KIF16B: variants seen among roughly 807,000 people sequenced by gnomAD.
KIF16B encodes kinesin-like protein KIF16B.
In KIF16B, 98 loss-of-function variants were observed where a neutral mutation model predicts 156.3. The ratio of observed to expected loss-of-function variants is 0.63; its 90% confidence interval spans 0.53 to 0.74. The LOEUF is 0.74. KIF16B is among the 30% of genes least tolerant of loss of function. The pLI is 0.00. For missense variants in KIF16B, 1,421 were observed against 1,606.5 expected, an observed-to-expected ratio of 0.88 and a Z score of 1.97; for synonymous variants, 564 against 583.7, an observed-to-expected ratio of 0.97 and a Z score of 0.49.
chr20:16,469,297 C>T (rs1450569700), intron 12 of KIF16B, among the ~76,000 whole-genome samples: 2 of 133,666 alleles, frequency 1.5e-5, no homozygotes, highest in East Asian at 2.0e-4. Context: ...CCTTTCAGAC[C>T]ACGATAGAAT....
chr20:16,465,042 C>T (rs895187011), intron 12 of KIF16B, among the ~76,000 whole-genome samples: 5 of 152,170 alleles, frequency 3.3e-5, no homozygotes, highest in African/African-American at 1.2e-4. Flanking sequence ...CTGTCAGATG[C>T]TTCATGCAGG....
intron 12 of KIF16B, among the ~76,000 whole-genome samples, chr20:16,476,229 T>C (rs2067808014): frequency 6.6e-6 from 1 of 151,316 alleles, no homozygotes; most frequent in Non-Finnish European, 1.5e-5. Flanking sequence ...TAAATGCATA[T>C]TATAAAACAG....
At chr20:16,498,064 AT>A (rs1221133842) in intron 10 of KIF16B, among the ~76,000 whole-genome samples, 13 of 152,146 alleles carry the variant, frequency 8.5e-5, no homozygotes, top group Admixed American at 2.6e-4. Flanking sequence ...GGCTTCTGAG[AT>A]TTGCTCTTAC....
chr20:16,394,365 A>C (rs1295508039), intron 17 of KIF16B, among the ~76,000 whole-genome samples: 2 of 152,206 alleles, frequency 1.3e-5, no homozygotes, highest in Admixed American at 1.3e-4. Flanking sequence ...AAAAGGAAAA[A>C]AGCAAGTCTC....
intron 22 of KIF16B, chr20:16,367,802 G>C (rs1469501751): frequency 6.2e-7 from 1 of 1,612,400 alleles, no homozygotes; most frequent in South Asian, 1.1e-5. Flanking sequence ...TCTGGCATCA[G>C]GACACACAGG....
At chr20:16,286,791 G>T (rs1254556885) in intron 25 of KIF16B, among the ~76,000 whole-genome samples, 3 of 152,206 alleles carry the variant, frequency 2.0e-5, no homozygotes, top group Non-Finnish European at 1.5e-5. Flanking sequence ...TGCTGTACTG[G>T]TGGCCCCAAT....
intron 12 of KIF16B, among the ~76,000 whole-genome samples, chr20:16,452,619 A>ACGT (rs1307602333): frequency 6.6e-6 from 1 of 152,102 alleles, no homozygotes. Context: ...GTGGATCACG[A>ACGT]GGTCAGGAGA....
chr20:16,335,514 A>C (rs927710466), intron 24 of KIF16B, among the ~76,000 whole-genome samples: 6 of 152,236 alleles, frequency 3.9e-5, no homozygotes, highest in Non-Finnish European at 5.9e-5. Flanking sequence ...TATAAGACTA[A>C]GCATGAATGT....
intron 22 of KIF16B, among the ~76,000 whole-genome samples, chr20:16,358,269 G>GA (rs1405029558): frequency 2.6e-5 from 4 of 152,194 alleles, no homozygotes; most frequent in Admixed American, 2.0e-4. Context: ...GAGATGATCT[G>GA]AAAGGCAAAC....
chr20:16,434,626 T>A (rs1212955694), intron 12 of KIF16B, among the ~76,000 whole-genome samples: 1 of 152,206 alleles, frequency 6.6e-6, no homozygotes, highest in Non-Finnish European at 1.5e-5. Flanking sequence ...AAGAATTGCG[T>A]GTCTTCACAG....
At chr20:16,498,309 C>A (rs1448150284) in intron 10 of KIF16B, among the ~76,000 whole-genome samples, 1 of 152,094 alleles carries the variant, frequency 6.6e-6, no homozygotes, top group East Asian at 1.9e-4. Flanking sequence ...ACATGTGAGT[C>A]CCTGACCTGA....
chr20:16,320,897 C>A, intron 24 of KIF16B, among the ~76,000 whole-genome samples: 1 of 152,180 alleles, frequency 6.6e-6, no homozygotes, highest in East Asian at 1.9e-4. Flanking sequence ...AAAAAATAAT[C>A]TTAGAGTCAC....
chr20:16,315,843 C>T (rs982328166), intron 24 of KIF16B, among the ~76,000 whole-genome samples: 2 of 152,156 alleles, frequency 1.3e-5, no homozygotes, highest in African/African-American at 4.8e-5. Context: ...TCCAATGTGG[C>T]TCATGATAGA....
intron 12 of KIF16B, among the ~76,000 whole-genome samples, chr20:16,470,372 T>C (rs561471841): frequency 6.6e-6 from 1 of 152,282 alleles, no homozygotes; most frequent in African/African-American, 2.4e-5. Flanking sequence ...GGTTCACTGA[T>C]TGTAATAAAT....
chr20:16,421,285 T>A (rs987793270), intron 15 of KIF16B, among the ~76,000 whole-genome samples: 6 of 152,188 alleles, frequency 3.9e-5, no homozygotes, highest in Admixed American at 3.9e-4. Context: ...TCCCCATTTA[T>A]TATATTTTAA....
intron 17 of KIF16B, among the ~76,000 whole-genome samples, chr20:16,392,687 A>G (rs997119625): frequency 1.3e-5 from 2 of 152,198 alleles, no homozygotes; most frequent in African/African-American, 4.8e-5. Context: ...GAGGTCTCAG[A>G]GCACCAGCCT....
chr20:16,386,318 TAAAG>T (rs934571605), intron 17 of KIF16B, among the ~76,000 whole-genome samples: 1 of 151,978 alleles, frequency 6.6e-6, no homozygotes, highest in Non-Finnish European at 1.5e-5. Context: ...AGAGGGTATC[TAAAG>T]AAAGAGAAAG....
rs1387376641 is a variant in KIF16B, at chr20:16,355,530, G to A, written c.3621+800C>T. Among the ~76,000 whole-genome samples the A allele has an allele frequency of 3.3e-5, 5 of 152,122 alleles. No individual in the cohort carries two copies. In the East Asian group the frequency reaches 9.6e-4, roughly 29 times the overall value. On this transcript the variant is annotated intron_variant, in intron 23 of 25. Transcript: ENST00000354981. The stretch of plus-strand genomic sequence containing the variant: ...CTACAGCCTCCAAGAACACCCTTAT[G>A]CATGCACACACTGGTGATCCTAGTG...
intron 25 of KIF16B, among the ~76,000 whole-genome samples, chr20:16,280,836 G>GTGCA (rs2063133776): frequency 7.2e-6 from 1 of 138,880 alleles, no homozygotes; most frequent in Admixed American, 7.4e-5. Flanking sequence ...ACTGCTGCGC[G>GTGCA]CGCACGTGTG....
Sources: allele counts gnomAD v4.1 joint callset (sites outside exome capture counted in the v4.1 genomes callset), GRCh38; gene constraint gnomAD v4.1.1; transcripts MANE v1.5; gene names NCBI Gene and HGNC (gene_info 2026-07-23, HGNC 2026-07-21).